The following FRY variants were observed in gnomAD, a reference collection of about 807,000 sequenced individuals.
The protein encoded by FRY is protein furry homolog.
In FRY, 128 loss-of-function variants were observed where a neutral mutation model predicts 348.4. The observed-to-expected ratio is 0.37, with a 90% CI of 0.32 to 0.43. The LOEUF (loss-of-function observed/expected upper bound fraction) is 0.43. Ranked by LOEUF, FRY falls within the 20% of genes least tolerant of loss-of-function variation. The pLI, the probability that FRY is intolerant of heterozygous loss-of-function variation, is 1.00. For missense variants in FRY, 2,736 were observed against 3,695.2 expected, an observed-to-expected ratio of 0.74 and a Z score of 6.73; for synonymous variants, 1,370 against 1,374.7, an observed-to-expected ratio of 1.00 and a Z score of 0.08.
intron 59 of FRY, among the ~76,000 whole-genome samples, chr13:32,293,175 T>C (rs1817537542): frequency 1.3e-5 from 2 of 152,188 alleles, no homozygotes; most frequent in African/African-American, 4.8e-5. Flanking sequence ...TTCATATGGG[T>C]AGGTACACAC....
chr13:32,193,356 G>A (rs1036972512), intron 28 of FRY, among the ~76,000 whole-genome samples: 4 of 151,594 alleles, frequency 2.6e-5, no homozygotes, highest in Non-Finnish European at 4.4e-5. Context: ...AATAGACATT[G>A]ATACACAAGT....
intron 3 of FRY, among the ~76,000 whole-genome samples, chr13:32,115,972 T>C (rs1878278627): frequency 6.6e-6 from 1 of 152,146 alleles, no homozygotes; most frequent in African/African-American, 2.4e-5. Flanking sequence ...AACATTTTCA[T>C]GTCATATTTT....
chr13:32,155,436 T>A, intron 14 of FRY, 55 bp from the exon 15 acceptor site: 1 of 1,255,498 alleles, frequency 8.0e-7, no homozygotes, highest in Non-Finnish European at 1.2e-6. Context: ...TATGGATGTA[T>A]TCCACTACAA....
intron 27 of FRY, among the ~76,000 whole-genome samples, chr13:32,186,829 C>T (rs1242840491): frequency 6.6e-6 from 1 of 152,162 alleles, no homozygotes; most frequent in African/African-American, 2.4e-5. Context: ...AGAAGCATGA[C>T]TCCTTTACAG....
At chr13:32,078,116 G>T (rs1875222459) in intron 1 of FRY, among the ~76,000 whole-genome samples, 3 of 152,210 alleles carry the variant, frequency 2.0e-5, no homozygotes, top group South Asian at 2.1e-4. Flanking sequence ...GTTGCATTCT[G>T]AACAGAGGCC....
At chr13:32,033,131 A>G (rs1467263116) in intron 1 of FRY, among the ~76,000 whole-genome samples, 1 of 152,218 alleles carries the variant, frequency 6.6e-6, no homozygotes, top group Admixed American at 6.5e-5. Flanking sequence ...ACAAGTGGGA[A>G]GCCATTTGGG....
chr13:32,210,802 T>C (rs1041300335), intron 33 of FRY, 64 bp from the exon 34 acceptor site: 65 of 1,315,264 alleles, frequency 4.9e-5, no homozygotes, highest in Non-Finnish European at 6.8e-5. Flanking sequence ...AGAGGTTTAC[T>C]GGCCTAGTGT....
chr13:32,059,567 G>A (rs1042289473), intron 1 of FRY, among the ~76,000 whole-genome samples: 2 of 151,496 alleles, frequency 1.3e-5, no homozygotes, highest in African/African-American at 4.8e-5. Context: ...ATAGATTTAG[G>A]GGTGCACGTG....
intron 29 of FRY, among the ~76,000 whole-genome samples, chr13:32,200,911 A>G (rs56158828): frequency 0.019 from 2,828 of 152,082 alleles, 93 homozygotes; most frequent in Admixed American, 0.091. Flanking sequence ...AGCCCTCATC[A>G]GTTCCCATTT....
At chr13:32,228,389 A>G in intron 39 of FRY, 67 bp from the exon 40 acceptor site, 5 of 1,149,204 alleles carry the variant, frequency 4.4e-6, no homozygotes, top group East Asian at 2.3e-5. Flanking sequence ...TCCTCTGTGG[A>G]CCTCATTAAG....
intron 11 of FRY, among the ~76,000 whole-genome samples, chr13:32,141,558 C>T (rs1339042685): frequency 1.3e-5 from 2 of 152,196 alleles, no homozygotes; most frequent in African/African-American, 4.8e-5. Context: ...AATGCAACTT[C>T]TTGAAGCCCA....
intron 54 of FRY, among the ~76,000 whole-genome samples, chr13:32,266,613 A>G (rs1887938020): frequency 6.6e-6 from 1 of 152,260 alleles, no homozygotes; most frequent in African/African-American, 2.4e-5. Context: ...TACCAAGTCT[A>G]TAGAAAGGGA....
intron 58 of FRY, among the ~76,000 whole-genome samples, chr13:32,283,537 C>T (rs1182030879): frequency 6.6e-6 from 1 of 152,190 alleles, no homozygotes; most frequent in Non-Finnish European, 1.5e-5. Context: ...CATATGCAAG[C>T]ACCTGTCTGC....
intron 36 of FRY, among the ~76,000 whole-genome samples, chr13:32,219,862 C>A (rs112888216): frequency 6.6e-6 from 1 of 152,164 alleles, no homozygotes; most frequent in African/African-American, 2.4e-5. Flanking sequence ...ATGGCATAGT[C>A]TCCATAGCCT....
chr13:32,060,307 A>T (rs972691628), intron 1 of FRY, among the ~76,000 whole-genome samples: 1 of 152,210 alleles, frequency 6.6e-6, no homozygotes, highest in Admixed American at 6.5e-5. Context: ...AACACTTAAC[A>T]TTCTCCAATA....
At chr13:32,151,652 T>C (rs1210026819) in intron 14 of FRY, among the ~76,000 whole-genome samples, 1 of 152,232 alleles carries the variant, frequency 6.6e-6, no homozygotes, top group East Asian at 1.9e-4. Flanking sequence ...TCCAGGTAAT[T>C]GTCTTGTTTT....
intron 1 of FRY, among the ~76,000 whole-genome samples, chr13:32,039,638 A>G (rs1593551836): frequency 6.6e-6 from 1 of 152,320 alleles, no homozygotes; most frequent in East Asian, 1.9e-4. Context: ...TAGTCACCCA[A>G]AACTCCAGAT....
intron 14 of FRY, among the ~76,000 whole-genome samples, chr13:32,151,925 A>G (rs1480042710): frequency 6.6e-6 from 1 of 152,238 alleles, no homozygotes; most frequent in Non-Finnish European, 1.5e-5. Flanking sequence ...TGGGACTAAT[A>G]AATGATTTTA....
intron 28 of FRY, among the ~76,000 whole-genome samples, chr13:32,193,093 G>A (rs1025049294): frequency 1.3e-5 from 2 of 150,994 alleles, no homozygotes; most frequent in African/African-American, 4.9e-5. Context: ...CTAGGCACCA[G>A]GCTTCTCCTG....
Sources: allele counts gnomAD v4.1 joint callset (sites outside exome capture counted in the v4.1 genomes callset), GRCh38; gene constraint gnomAD v4.1.1; transcripts MANE v1.5; gene names NCBI Gene and HGNC (gene_info 2026-07-23, HGNC 2026-07-21).